The following HS3ST4 variants were observed in gnomAD, a reference collection of about 807,000 sequenced individuals.
HS3ST4 encodes heparan sulfate glucosamine 3-O-sulfotransferase 4.
HS3ST4 carries 17 observed loss-of-function variants against 29.2 expected under a neutral mutation model. The observed-to-expected ratio is 0.58, with a 90% CI of 0.40 to 0.87. HS3ST4 has a LOEUF of 0.87. HS3ST4 is among the 40% of genes least tolerant of loss of function. HS3ST4 has a pLI of 0.00. For missense variants in HS3ST4, 627 were observed against 634.5 expected (o/e 0.99, Z 0.13); for synonymous variants, 314 against 285.7 (o/e 1.10, Z -1.00).
chr16:25,891,655 A>C (rs1276297435), intron 1 of HS3ST4, among the ~76,000 whole-genome samples: 3 of 152,190 alleles, frequency 2.0e-5, no homozygotes, highest in African/African-American at 7.2e-5. Flanking sequence ...CAAGGGGAGG[A>C]AACGTAAGCC....
At chr16:25,794,807 A>C (rs1052307370) in intron 1 of HS3ST4, among the ~76,000 whole-genome samples, 1 of 150,658 alleles carries the variant, frequency 6.6e-6, no homozygotes, top group Admixed American at 6.6e-5. Flanking sequence ...ATTCTGAGTT[A>C]TTATCTATTC....
intron 1 of HS3ST4, among the ~76,000 whole-genome samples, chr16:25,789,120 G>A (rs1966862568): frequency 6.6e-6 from 1 of 152,102 alleles, no homozygotes; most frequent in Admixed American, 6.5e-5. Flanking sequence ...TTCCTCGTCT[G>A]TGAGTGGATG....
chr16:25,926,852 C>T (rs895256773), intron 1 of HS3ST4, among the ~76,000 whole-genome samples: 7 of 152,160 alleles, frequency 4.6e-5, no homozygotes, highest in African/African-American at 1.7e-4. Flanking sequence ...CCTATGATCT[C>T]AGTAGGTCTG....
intron 1 of HS3ST4, among the ~76,000 whole-genome samples, chr16:26,009,183 G>A (rs1421488416): frequency 3.3e-5 from 5 of 152,170 alleles, no homozygotes; most frequent in Admixed American, 6.5e-5. Context: ...ATTCCTCAGG[G>A]AAGTCTTCTC....
chr16:25,967,793 T>C (rs1255703859), intron 1 of HS3ST4, among the ~76,000 whole-genome samples: 1 of 151,600 alleles, frequency 6.6e-6, no homozygotes, highest in Non-Finnish European at 1.5e-5. Flanking sequence ...GAGGGTGGAG[T>C]TTGTGACTCT....
intron 1 of HS3ST4, among the ~76,000 whole-genome samples, chr16:26,118,693 C>A (rs974856685): frequency 6.6e-6 from 1 of 151,992 alleles, no homozygotes; most frequent in African/African-American, 2.4e-5. Context: ...CAAGGAGGAG[C>A]CAGCTGTACA....
chr16:25,937,512 G>A (rs553604981), intron 1 of HS3ST4, among the ~76,000 whole-genome samples: 9 of 152,260 alleles, frequency 5.9e-5, no homozygotes, highest in East Asian at 3.9e-4. Context: ...GAACAGGAGC[G>A]TAGGAAAGCC....
chr16:26,037,980 A>G (rs1969598683), intron 1 of HS3ST4, among the ~76,000 whole-genome samples: 1 of 152,178 alleles, frequency 6.6e-6, no homozygotes. Context: ...CCGGGTCAAA[A>G]GCCTCCAATG....
intron 1 of HS3ST4, among the ~76,000 whole-genome samples, chr16:25,797,249 A>G (rs1966891764): frequency 2.0e-5 from 3 of 152,230 alleles, no homozygotes; most frequent in Non-Finnish European, 2.9e-5. Context: ...TAGATGGGAA[A>G]GAATTCCCAA....
At chr16:25,754,320 C>T (rs115978336) in intron 1 of HS3ST4, among the ~76,000 whole-genome samples, 5,748 of 152,106 alleles carry the variant, frequency 0.038, 159 homozygotes, top group Non-Finnish European at 0.054. Flanking sequence ...ACTTATCCAT[C>T]CATCCACCCA....
intron 1 of HS3ST4, among the ~76,000 whole-genome samples, chr16:25,802,347 A>G (rs1007373208): frequency 2.0e-5 from 3 of 152,092 alleles, no homozygotes; most frequent in Admixed American, 1.3e-4. Flanking sequence ...TTCTTTTCCT[A>G]CATATCTGAA....
chr16:26,096,276 G>A (rs527253342), intron 1 of HS3ST4, among the ~76,000 whole-genome samples: 1 of 152,158 alleles, frequency 6.6e-6, no homozygotes, highest in East Asian at 1.9e-4. Flanking sequence ...CCAAATCCTG[G>A]CAGAGACACA....
In HS3ST4 at chr16:25,795,161, C is replaced by T. The variant is rs563822045; in HGVS notation, c.734+102010C>T. On this transcript the variant is annotated intron_variant, in intron 1 of 1. Transcript: ENST00000331351. ...TAATTTTTTGTATTTTTAGTAGAGACGAAGTTTCACTATGTTGGCCAGGTT... is the reference window on the plus strand; with the variant it reads ...TAATTTTTTGTATTTTTAGTAGAGATGAAGTTTCACTATGTTGGCCAGGTT... Among the ~76,000 whole-genome samples, 28 of 151,788 alleles carry T rather than the reference C, an allele frequency of 1.8e-4. No individual in the cohort carries two copies. In the South Asian group the frequency reaches 3.1e-3, roughly 17 times the overall value.
At chr16:26,048,593 G>A (rs1474128675) in intron 1 of HS3ST4, among the ~76,000 whole-genome samples, 2 of 152,152 alleles carry the variant, frequency 1.3e-5, no homozygotes, top group Non-Finnish European at 2.9e-5. Context: ...CAGGTGAGAG[G>A]ATCCTGGGCC....
At chr16:25,731,619 G>T (rs758285837) in intron 1 of HS3ST4, among the ~76,000 whole-genome samples, 1 of 152,170 alleles carries the variant, frequency 6.6e-6, no homozygotes, top group Non-Finnish European at 1.5e-5. Flanking sequence ...GGGATTACAG[G>T]TGTGAGCCAC....
At chr16:25,776,927 G>A (rs74450515) in intron 1 of HS3ST4, among the ~76,000 whole-genome samples, 3,444 of 152,196 alleles carry the variant, frequency 0.023, 140 homozygotes, top group African/African-American at 0.079. Context: ...GATTGAATAC[G>A]TTCTGTTTTT....
Position 26,099,417 on chromosome 16 carries a change from A to C in HS3ST4, c.735-36195A>C, listed in dbSNP as rs537107448. Among the ~76,000 whole-genome samples the C allele has an allele frequency of 6.1e-3, 931 of 152,218 alleles. 3 individuals are homozygous for C. Among genetic ancestry groups the C allele is most frequent in the South Asian group, 0.011 (54 of 4,816 alleles). On this transcript the variant is annotated intron_variant, in intron 1 of 1. Coordinates refer to ENST00000331351, the MANE Select transcript of HS3ST4 (RefSeq NM_006040.3). ...GCAATCTTCATGCCTCCACCTCAAA[A>C]AGTGCTGGGTTTACAGGCGTGAGCC...
At chr16:25,830,071 C>G (rs546651032) in intron 1 of HS3ST4, among the ~76,000 whole-genome samples, 2 of 152,230 alleles carry the variant, frequency 1.3e-5, no homozygotes, top group African/African-American at 4.8e-5. Context: ...GCAATCCACC[C>G]CCTTCAGCCT....
chr16:25,962,279 A>T (rs1968802408), intron 1 of HS3ST4, among the ~76,000 whole-genome samples: 1 of 152,168 alleles, frequency 6.6e-6, no homozygotes, highest in Admixed American at 6.5e-5. Context: ...CAGGAAATCC[A>T]TCTTGAAAAA....
Sources: allele counts gnomAD v4.1 joint callset (sites outside exome capture counted in the v4.1 genomes callset), GRCh38; gene constraint gnomAD v4.1.1; transcripts MANE v1.5; gene names NCBI Gene and HGNC (gene_info 2026-07-23, HGNC 2026-07-21).